The following SLFN12L variants were observed in gnomAD, a reference collection of about 807,000 sequenced individuals.
SLFN12L encodes schlafen family member 12 like, also known as schlafen family member 12-like.
In SLFN12L, 34 loss-of-function variants were observed where a neutral mutation model predicts 34.8. That is an observed-to-expected ratio of 0.98 (90% CI 0.74 to 1.30). The LOEUF (loss-of-function observed/expected upper bound fraction) is 1.30. Ranked by LOEUF, SLFN12L falls within the 50% of genes most tolerant of loss-of-function variation. SLFN12L has a pLI of 0.00. For missense variants in SLFN12L, 703 were observed against 696.2 expected (o/e 1.01, Z -0.11); for synonymous variants, 259 against 247.5 (o/e 1.05, Z -0.44).
chr17:35,482,016 T>C (rs34734788), intron 2 of SLFN12L, among the ~76,000 whole-genome samples: 22,779 of 152,068 alleles, frequency 0.15, 1,847 homozygotes, highest in Middle Eastern at 0.26. Flanking sequence ...CCTGCCACCA[T>C]GCCTGCCTAA....
chr17:35,491,344 G>T (rs1914830186), intron 2 of SLFN12L: 2 of 465,020 alleles, frequency 4.3e-6, no homozygotes, highest in Non-Finnish European at 3.8e-6. Flanking sequence ...TCCTCCAGGA[G>T]AGTATCATGA....
At chr17:35,524,345 A>G (rs929192847) in intron 1 of SLFN12L, among the ~76,000 whole-genome samples, 3 of 152,350 alleles carry the variant, frequency 2.0e-5, no homozygotes, top group South Asian at 2.1e-4. Flanking sequence ...AGAGAGCAGC[A>G]GATCTCCTAG....
At chr17:35,483,215 A>G (rs935109650) in intron 2 of SLFN12L, among the ~76,000 whole-genome samples, 1 of 152,128 alleles carries the variant, frequency 6.6e-6, no homozygotes, top group African/African-American at 2.4e-5. Context: ...TGAGAGCTGA[A>G]CATTCCATGG....
chr17:35,522,133 A>G lies in SLFN12L; in HGVS notation c.86+146T>C, dbSNP rs1916015941. ...TTAAAGTATAATAAAAAAAAGGTAG[A>G]AAAAATTACCCCATTGTGCTCTCCT... On this transcript the variant is annotated intron_variant, in intron 2 of 4. Transcript: ENST00000628453. 3 of 1,127,320 alleles carry G rather than the reference A, an allele frequency of 2.7e-6. No individual in the cohort carries two copies. The South Asian group carries it at 5.0e-5, about 19-fold the overall frequency. 69.8% of individuals were successfully genotyped at this position (1,127,320 alleles called of 1,614,324 possible).
In SLFN12L at chr17:35,479,307, T is replaced by A. The variant is rs779348158; in HGVS notation, c.975A>T (p.Ile325=). The A allele has an allele frequency of 1.3e-6, 2 of 1,586,562 alleles. No homozygotes were observed. Among genetic ancestry groups the A allele is most frequent in the South Asian group, 2.3e-5 (2 of 88,098 alleles). Residue 325 remains isoleucine, a synonymous_variant, in exon 3 of 5, where the codon ATA becomes ATT. Coordinates refer to ENST00000628453, the MANE Select transcript of SLFN12L (RefSeq NM_001363830.2). ...CTCCAAGGAATTTGCATAAGTAATT[T>A]ATCGTCCCCTTCTCCACACAGAAGT... ...VHHFCVEKGT[I]NYLCKFLGVY... is the part of the protein sequence containing the mutation.
intron 2 of SLFN12L, among the ~76,000 whole-genome samples, chr17:35,518,659 C>T (rs550686953): frequency 4.6e-4 from 70 of 151,820 alleles, no homozygotes; most frequent in African/African-American, 1.7e-3. Flanking sequence ...TAGCATCTCA[C>T]ACCAGTTAGA....
intron 2 of SLFN12L, among the ~76,000 whole-genome samples, chr17:35,516,618 C>T (rs1567682377): frequency 1.3e-5 from 2 of 152,214 alleles, no homozygotes; most frequent in Non-Finnish European, 2.9e-5. Context: ...CCGGAAATAT[C>T]TCCAGATATT....
At chr17:35,515,359 TG>T (rs1915782793) in intron 2 of SLFN12L, among the ~76,000 whole-genome samples, 1 of 152,238 alleles carries the variant, frequency 6.6e-6, no homozygotes. Context: ...ACTATATTTG[TG>T]CAAGTTTGAG....
At chr17:35,528,444 A>G (rs763171799) in intron 1 of SLFN12L, among the ~76,000 whole-genome samples, 1 of 152,248 alleles carries the variant, frequency 6.6e-6, no homozygotes, top group African/African-American at 2.4e-5. Context: ...ACTTCAAACT[A>G]TATTACAAGG....
At chr17:35,528,954 G>C (rs2072364515) in intron 1 of SLFN12L, among the ~76,000 whole-genome samples, 2 of 151,980 alleles carry the variant, frequency 1.3e-5, no homozygotes, top group Non-Finnish European at 2.9e-5. Flanking sequence ...TGTGACAAAG[G>C]GCTAATATCC....
At chr17:35,504,409 G>A (rs566813743) in intron 2 of SLFN12L, among the ~76,000 whole-genome samples, 2 of 152,304 alleles carry the variant, frequency 1.3e-5, no homozygotes, top group Admixed American at 6.5e-5. Context: ...GATCATAGAC[G>A]TTAAAGACTG....
chr17:35,497,212 G>C (rs573462016), intron 2 of SLFN12L, among the ~76,000 whole-genome samples: 49 of 152,182 alleles, frequency 3.2e-4, no homozygotes, highest in Non-Finnish European at 5.9e-4. Context: ...CCAACATAGC[G>C]AAACCTAGTC....
chr17:35,492,750 GGTGGCA>G lies in SLFN12L; in HGVS notation c.87-12561_87-12556del, dbSNP rs1914884801. ...TCCAAGAATGGCTTTCCCTCGGGCA[GGTGGCA>G]GTGGTCATCTCCCACTGGGAATATG... On this transcript the variant is annotated intron_variant, in intron 2 of 4. Coordinates refer to ENST00000628453, the MANE Select transcript of SLFN12L (RefSeq NM_001363830.2). Among the ~76,000 whole-genome samples the G allele has an allele frequency of 3.9e-5, 6 of 152,310 alleles. No individual in the cohort carries two copies. The South Asian group carries it at 1.2e-3, about 32-fold the overall frequency.
Position 35,479,529 on chromosome 17 carries a change from G to T in SLFN12L, c.753C>A (p.Phe251Leu). 1 of 1,614,162 alleles carries T rather than the reference G, an allele frequency of 6.2e-7. No individual in the cohort carries two copies. Among genetic ancestry groups the T allele is most frequent in the South Asian group, 1.1e-5 (1 of 91,070 alleles). ...TTCGTTGTAACAACTTTTCAGTCGAGAAGTTTTTTATTTCAACGTGTGTGG... is the reference window on the plus strand; with the variant it reads ...TTCGTTGTAACAACTTTTCAGTCGATAAGTTTTTTATTTCAACGTGTGTGG... ...TESTHVEIKN[F>L]STEKLLQRIT... is the part of the protein sequence containing the mutation. Residue 251 changes from phenylalanine to leucine, a missense_variant, in exon 3 of 5, where the codon TTC becomes TTA. Transcript: ENST00000628453.
Position 35,479,864 on chromosome 17 carries a change from G to T in SLFN12L, c.418C>A (p.Gln140Lys). The change falls in exon 3 of 5, where the codon CAG becomes AAG. Residue 140 changes from glutamine (Q) to lysine (K), a missense_variant. Coordinates refer to ENST00000628453, the MANE Select transcript of SLFN12L (RefSeq NM_001363830.2). ...AAAATGTGAAAGTAGTTACCATTCT[G>T]CATGAAGTCCAGGAAATTAGGAACA... ...PFVPNFLDFM[Q>K]NGNYFHIFVK... 1 of 1,608,054 alleles carries T rather than the reference G, an allele frequency of 6.2e-7. No homozygotes were observed. Among genetic ancestry groups the T allele is most frequent in the East Asian group, 2.2e-5 (1 of 44,644 alleles).
At chr17:35,524,585 G>A (rs1446109770) in intron 1 of SLFN12L, among the ~76,000 whole-genome samples, 1 of 152,232 alleles carries the variant, frequency 6.6e-6, no homozygotes, top group African/African-American at 2.4e-5. Context: ...GGCAAACGGG[G>A]TCTGCAGTGG....
chr17:35,485,749 G>A (rs972647300), intron 2 of SLFN12L, among the ~76,000 whole-genome samples: 1 of 152,190 alleles, frequency 6.6e-6, no homozygotes, highest in Non-Finnish European at 1.5e-5. Flanking sequence ...TTATTGAATA[G>A]GGTGTCCTTT....
chr17:35,504,766 T>C (rs1446549967), intron 2 of SLFN12L, among the ~76,000 whole-genome samples: 2 of 152,234 alleles, frequency 1.3e-5, no homozygotes, highest in Non-Finnish European at 2.9e-5. Context: ...GGGAGGAAAC[T>C]TAGCCTTCTT....
chr17:35,483,980 A>G (rs1914470763), intron 2 of SLFN12L, among the ~76,000 whole-genome samples: 1 of 152,242 alleles, frequency 6.6e-6, no homozygotes, highest in Non-Finnish European at 1.5e-5. Flanking sequence ...TTCATATGCA[A>G]ATCATGGTGG....
Sources: gnomAD v4.1 joint callset for allele counts (sites outside exome capture counted in the v4.1 genomes callset) on GRCh38, gnomAD v4.1.1 for gene constraint, MANE v1.5 for transcripts, NCBI Gene and HGNC (gene_info 2026-07-23, HGNC 2026-07-21) for gene names.